The following ZNF561 variants were observed in gnomAD, a reference collection of about 807,000 sequenced individuals.
ZNF561 encodes the protein zinc finger protein 561.
A neutral mutation model predicts 16.7 loss-of-function variants in ZNF561; 16 were observed. The observed-to-expected ratio is 0.96, with a 90% confidence interval of 0.65 to 1.45. The LOEUF is 1.45. Among genes scored for constraint, ZNF561 ranks in the 40% most tolerant of loss-of-function variants. The pLI, the probability that ZNF561 is intolerant of heterozygous loss-of-function variation, is 0.00. For synonymous variants in ZNF561, 190 were observed against 192.1 expected (o/e 0.99, Z 0.09); for missense variants, 580 against 578.0 (o/e 1.00, Z -0.04).
chr19:9,610,607 G>C lies in ZNF561; in HGVS notation c.1054C>G (p.Leu352Val), dbSNP rs1291472296. ...CTGTGACTTCGTATGTGTATAGAAA[G>C]GCCCGAGTACTGAGCAAAGGCTTGG... is the stretch of plus-strand genomic sequence containing the variant. ...CGQAFAQYSGLSIHIRSHSGK... is the reference protein window; with the variant it reads ...CGQAFAQYSGVSIHIRSHSGK... The change falls in exon 6 of 6, where the codon CTT (leucine) becomes GTT (valine). Residue 352 changes from leucine (L) to valine (V), a missense_variant. Transcript: ENST00000302851. 7 of 1,613,634 alleles carry C rather than the reference G, an allele frequency of 4.3e-6. No individual in the cohort carries two copies. Among genetic ancestry groups the C allele is most frequent in the Non-Finnish European group, 4.2e-6 (5 of 1,179,764 alleles).
At position 9,615,603 on chromosome 19, in the gene ZNF561, TAATA is replaced by T. The variant is rs1361400251; in HGVS notation, c.241+1438_241+1441del. Among the ~76,000 whole-genome samples, 12 of 150,308 alleles carry T rather than the reference TAATA, an allele frequency of 8.0e-5. No homozygotes were observed. In the East Asian group the frequency reaches 2.4e-3, roughly 30 times the overall value. The stretch of plus-strand genomic sequence containing the variant: ...ACAGAGCAAGACCCTGTCACAAAAA[TAATA>T]AATAAATAAAGTAAGTAGGCTGGGT... On this transcript the variant is annotated intron_variant, in intron 4 of 5. Transcript: ENST00000302851.
At position 9,608,732 on chromosome 19, in the gene ZNF561, T is replaced by C. The variant is rs976692471; in HGVS notation, c.*1468A>G. The C allele has an allele frequency of 1.9e-4, 29 of 152,304 alleles. No individual in the cohort carries two copies. Among genetic ancestry groups the C allele is most frequent in the Admixed American group, 1.8e-3 (27 of 15,296 alleles). The allele number at this position is 152,304 out of a possible 1,614,324, so 9.4% of individuals were successfully genotyped here. On this transcript the variant is annotated 3_prime_UTR_variant, in exon 6 of 6. Transcript: ENST00000302851. ...AGAAAATACAACCCTTGATACGAAG[T>C]AGTGAAGAACTTGGCAGAACTGTAT...
At chr19:9,618,675 G>A (rs1035883972) in intron 2 of ZNF561, among the ~76,000 whole-genome samples, 6 of 151,776 alleles carry the variant, frequency 4.0e-5, no homozygotes, top group Non-Finnish European at 2.9e-5. Context: ...GCAGTGAGCC[G>A]AGATCGTGCC....
chr19:9,607,489 C>T lies in ZNF561; in HGVS notation c.*2711G>A, dbSNP rs1277838990. ...CATGAATTATGAAATACTGGGAAAT[C>T]ATTCATCATGTAAAAACTGGATATA... is the stretch of plus-strand genomic sequence containing the variant. On this transcript the variant is annotated 3_prime_UTR_variant, in exon 6 of 6. Transcript: ENST00000302851. 1.3e-5 allele frequency: 2 copies of T among 152,138 alleles called. No individual in the cohort carries two copies. The highest frequency in any genetic ancestry group is 2.9e-5 in the Non-Finnish European group (2 of 68,026). 9.4% of individuals were successfully genotyped at this position (152,138 alleles called of 1,614,324 possible).
At chr19:9,612,414 T>A (rs1008614808) in intron 5 of ZNF561, among the ~76,000 whole-genome samples, 3 of 151,978 alleles carry the variant, frequency 2.0e-5, no homozygotes, top group Non-Finnish European at 4.4e-5. Flanking sequence ...GAGATGGGGT[T>A]TCCCCATGTT....
chr19:9,612,266 T>C (rs984201682), intron 5 of ZNF561, among the ~76,000 whole-genome samples: 5 of 151,990 alleles, frequency 3.3e-5, no homozygotes, highest in African/African-American at 1.2e-4. Flanking sequence ...TCACTTTGGC[T>C]GGAGTGCAAG....
rs138138087 is a variant in ZNF561 at position 9,617,884 on chromosome 19, A to G, written c.114+207T>C. 2.6e-3 allele frequency: 1,572 copies of G among 601,526 alleles called. 21 individuals are homozygous for G. The highest frequency in any genetic ancestry group is 0.025 in the African/African-American group (1,351 of 54,804). 37.3% of individuals were successfully genotyped at this position (601,526 alleles called of 1,614,324 possible). A position where few individuals can be genotyped will look rare whatever the true frequency, so the allele number is the denominator to read the frequency against. On this transcript the variant is annotated intron_variant, in intron 3 of 5. Transcript: ENST00000302851. ...CCATGAAGGTCAAGCTTAAGTAGTA[A>G]TTACTGAGCTACTGGACTGATTTTC...
intron 1 of ZNF561, among the ~76,000 whole-genome samples, chr19:9,620,176 G>A (rs2074644403): frequency 6.6e-6 from 1 of 152,100 alleles, no homozygotes; most frequent in African/African-American, 2.4e-5. Flanking sequence ...TGCAACCTCT[G>A]CCTCCCAGGT....
chr19:9,620,967 G>T, intron 1 of ZNF561, 195 bp downstream of exon 1: 1 of 152,506 alleles, frequency 6.6e-6, no homozygotes, highest in Non-Finnish European at 1.5e-5. Flanking sequence ...CTTGACCCTG[G>T]AGGCAGAGGT....
chr19:9,619,832 A>G (rs2074626829), intron 1 of ZNF561, among the ~76,000 whole-genome samples: 1 of 150,176 alleles, frequency 6.7e-6, no homozygotes, highest in African/African-American at 2.5e-5. Context: ...AGTAGCTATC[A>G]TTACCTCTAT....
At chr19:9,617,962 G>T in intron 3 of ZNF561, 129 bp downstream of exon 3, 1 of 833,834 alleles carries the variant, frequency 1.2e-6, no homozygotes, top group South Asian at 1.6e-5. Flanking sequence ...ATTCATCTGG[G>T]GACTCAGTCC....
intron 5 of ZNF561, among the ~76,000 whole-genome samples, chr19:9,612,988 T>A (rs934840117): frequency 2.0e-5 from 3 of 151,316 alleles, no homozygotes; most frequent in Admixed American, 1.3e-4. Flanking sequence ...AGAGACAGGG[T>A]CTCTGTTGAC....
At chr19:9,619,873 ATATC>A (rs201413415) in intron 1 of ZNF561, among the ~76,000 whole-genome samples, 13 of 90,740 alleles carry the variant, frequency 1.4e-4, no homozygotes, top group Admixed American at 2.8e-4. Context: ...TTATCTATCT[ATATC>A]TATCTATCTA....
intron 1 of ZNF561, chr19:9,620,831 TCAGGAGTTCAA>T (rs1317452428): frequency 6.6e-6 from 1 of 152,208 alleles, no homozygotes; most frequent in Admixed American, 6.5e-5. Context: ...TCACCTAAGG[TCAGGAGTTCAA>T]GACCAGCCTG....
Position 9,614,058 on chromosome 19 carries a change from C to A in ZNF561, c.287G>T (p.Gly96Val). ...PRTKRSSLQQ[G>V]FLKNQIFSGI... ...ACTGAATATTTGATTCTTCAAAAAA[C>A]CCTGCTGAAGTGATGACCGTTTGGT... The change falls in exon 5 of 6, where the codon GGT (glycine) becomes GTT (valine). Residue 96 changes from glycine (G) to valine (V), a missense_variant. Gly to Val is a moderately radical substitution (Grantham distance 109). Transcript: ENST00000302851. 1 of 1,614,034 alleles carries A rather than the reference C, an allele frequency of 6.2e-7. No individual in the cohort carries two copies. Among genetic ancestry groups the A allele is most frequent in the Non-Finnish European group, 8.5e-7 (1 of 1,179,976 alleles).
At position 9,610,613 on chromosome 19, in the gene ZNF561, A is replaced by T; in HGVS notation, c.1048T>A (p.Ser350Thr). The change falls in exon 6 of 6, where the codon TCG (serine) becomes ACG (threonine). Residue 350 changes from serine (S) to threonine (T), a missense_variant. Ser to Thr is a moderately conservative substitution (Grantham distance 58). Transcript: ENST00000302851. ...CTTCGTATGTGTATAGAAAGGCCCG[A>T]GTACTGAGCAAAGGCTTGGCCACAT... The part of the protein sequence containing the change: ...KECGQAFAQY[S>T]GLSIHIRSHS... The T allele has an allele frequency of 1.2e-6, 2 of 1,613,872 alleles. No individual in the cohort carries two copies. The highest frequency in any genetic ancestry group is 1.7e-6 in the Non-Finnish European group (2 of 1,179,836).
rs1232861858 is a variant in ZNF561, at chr19:9,610,567, T to C, written c.1094A>G (p.Tyr365Cys). 4 of 1,613,634 alleles carry C rather than the reference T, an allele frequency of 2.5e-6. No individual in the cohort carries two copies. The highest frequency in any genetic ancestry group is 1.6e-4 in the Middle Eastern group (1 of 6,062). ...HIRSHSGKKP[Y>C]QCKECGKAFT... Reference sequence around the variant, plus strand: ...GGCTTTCCCACATTCCTTACACTGATAGGGTTTCTTTCCACTGTGACTTCG... The same window carrying C: ...GGCTTTCCCACATTCCTTACACTGACAGGGTTTCTTTCCACTGTGACTTCG... Residue 365 changes from tyrosine to cysteine, a missense_variant, in exon 6 of 6, where the codon TAT becomes TGT. By Grantham distance (194) the Tyr-to-Cys change is radical. Coordinates refer to ENST00000302851, the MANE Select transcript of ZNF561 (RefSeq NM_152289.3).
chr19:9,611,528 C>A (rs1029641033), intron 5 of ZNF561, among the ~76,000 whole-genome samples, 192 bp from the exon 6 acceptor site: 1 of 152,054 alleles, frequency 6.6e-6, no homozygotes, highest in African/African-American at 2.4e-5. Context: ...CTAACGGCAA[C>A]CTCCACCTCC....
At position 9,608,206 on chromosome 19, in the gene ZNF561, G is replaced by C. The variant is rs909452591; in HGVS notation, c.*1994C>G. The C allele has an allele frequency of 6.9e-6, 1 of 144,876 alleles. No individual in the cohort carries two copies. Among genetic ancestry groups the C allele is most frequent in the African/African-American group, 2.5e-5 (1 of 39,972 alleles). The allele number at this position is 144,876 out of a possible 1,614,324, so 9.0% of individuals were successfully genotyped here. ...CTCTTTAGAAGTATCGTGAAATGAT[G>C]TCAAGAGATGGGTAGGGGGAGGGAG... is the stretch of plus-strand genomic sequence containing the variant. On this transcript the variant is annotated 3_prime_UTR_variant, in exon 6 of 6. Transcript: ENST00000302851.
Sources: gnomAD v4.1 joint callset for allele counts (sites outside exome capture counted in the v4.1 genomes callset) on GRCh38, gnomAD v4.1.1 for gene constraint, MANE v1.5 for transcripts, NCBI Gene and HGNC (gene_info 2026-07-23, HGNC 2026-07-21) for gene names.